The following RAPH1 variants were observed in gnomAD, a reference collection of about 807,000 sequenced individuals.
RAPH1 encodes the protein Ras association (RalGDS/AF-6) and pleckstrin homology domains 1, also known as ras-associated and pleckstrin homology domains-containing protein 1.
In RAPH1, 18 loss-of-function variants were observed where a neutral mutation model predicts 88.1. The observed-to-expected ratio is 0.20, with a 90% CI of 0.14 to 0.30. RAPH1 has a LOEUF of 0.30. Among genes scored for constraint, RAPH1 ranks in the 10% least tolerant of loss-of-function variants. The pLI is 1.00. For missense variants in RAPH1, 1,448 were observed against 1,543.2 expected, an observed-to-expected ratio of 0.94 and a Z score of 1.03; for synonymous variants, 587 against 559.0, an observed-to-expected ratio of 1.05 and a Z score of -0.71.
intron 1 of RAPH1, among the ~76,000 whole-genome samples, chr2:203,532,500 G>A (rs990122336): frequency 6.6e-6 from 1 of 152,182 alleles, no homozygotes. Context: ...TTAAGAATTA[G>A]GCTGCCCGGT....
rs966442221 is a variant in RAPH1 at position 203,438,956 on chromosome 2, G to C, written c.*481C>G. 1 of 155,892 alleles carries C rather than the reference G, an allele frequency of 6.4e-6. No individual in the cohort carries two copies. Among genetic ancestry groups the C allele is most frequent in the African/African-American group, 2.4e-5 (1 of 41,446 alleles). 9.7% of individuals were successfully genotyped at this position (155,892 alleles called of 1,614,324 possible). On this transcript the variant is annotated 3_prime_UTR_variant, in exon 14 of 14. Coordinates refer to ENST00000319170, the MANE Select transcript of RAPH1 (RefSeq NM_213589.3). ...CCTTATAGATACACCAAACATTCTG[G>C]TGATTTTTCTCAACCAGAAATAGCA...
rs1450716938 is a variant in RAPH1 at position 203,506,862 on chromosome 2, A to ATC, written c.1-11510_1-11509insGA. On this transcript the variant is annotated intron_variant, in intron 1 of 13. Coordinates refer to ENST00000319170, the MANE Select transcript of RAPH1 (RefSeq NM_213589.3). The stretch of plus-strand genomic sequence containing the variant: ...TCTATATATCTATCTATATCTATAT[A>ATC]TATATATATATATATATAGATATAT... Among the ~76,000 whole-genome samples, 708 of 76,580 alleles carry ATC rather than the reference A, an allele frequency of 9.2e-3. 84 individuals carry two copies. Among genetic ancestry groups the ATC allele is most frequent in the Admixed American group, 0.016 (110 of 6,794 alleles). The allele number at this position is 76,580 out of a possible 152,430, so 50.2% of individuals were successfully genotyped here.
intron 1 of RAPH1, among the ~76,000 whole-genome samples, chr2:203,515,318 A>G (rs1419115694): frequency 6.6e-6 from 1 of 152,232 alleles, no homozygotes; most frequent in African/African-American, 2.4e-5. Context: ...TTGACGGTAT[A>G]CTGTGTAAAA....
Position 203,440,374 on chromosome 2 carries a change from G to C in RAPH1, c.2816C>G (p.Pro939Arg), listed in dbSNP as rs1269399275. The change falls in exon 14 of 14, where the codon CCA becomes CGA. Residue 939 changes from proline (P) to arginine (R), a missense_variant. Transcript: ENST00000319170. Reference protein sequence around the residue: ...PPPPSPVPAPPPPPPPTASPT... With the variant: ...PPPPSPVPAPRPPPPPTASPT... The stretch of plus-strand genomic sequence containing the variant: ...AGAAGCTGTGGGTGGAGGTGGTGGT[G>C]GTGGGGCTGGGACAGGTGATGGGGG... 3.8e-6 allele frequency: 6 copies of C among 1,596,700 alleles called. No homozygotes were observed. The highest frequency in any genetic ancestry group is 2.7e-5 in the African/African-American group (2 of 74,344).
At chr2:203,463,307 T>C (rs1048194005) in intron 4 of RAPH1, among the ~76,000 whole-genome samples, 6 of 152,174 alleles carry the variant, frequency 3.9e-5, no homozygotes, top group African/African-American at 1.2e-4. Flanking sequence ...CCTCTCTGCA[T>C]TGTGATGAAA....
intron 1 of RAPH1, among the ~76,000 whole-genome samples, chr2:203,523,650 G>A (rs1251029585): frequency 6.6e-6 from 1 of 152,060 alleles, no homozygotes; most frequent in Non-Finnish European, 1.5e-5. Context: ...AACCATAAAA[G>A]GAAAAATTGG....
At chr2:203,479,198 G>GT (rs957770558) in intron 4 of RAPH1, among the ~76,000 whole-genome samples, 1 of 152,176 alleles carries the variant, frequency 6.6e-6, no homozygotes, top group Non-Finnish European at 1.5e-5. Flanking sequence ...TAAAGGTTTT[G>GT]TAAGTATATT....
chr2:203,490,583 T>C (rs918621626), intron 3 of RAPH1, among the ~76,000 whole-genome samples: 1 of 152,248 alleles, frequency 6.6e-6, no homozygotes. Flanking sequence ...GTAACTTCAC[T>C]GGACTTTAAT....
chr2:203,457,707 G>T (rs1440693098), intron 7 of RAPH1, 112 bp from the exon 8 acceptor site: 12 of 818,320 alleles, frequency 1.5e-5, no homozygotes, highest in Non-Finnish European at 1.4e-5. Flanking sequence ...TTCTTCTAGA[G>T]AAATAGCAAC....
At chr2:203,492,443 CCTT>C (rs749218361) in intron 2 of RAPH1, among the ~76,000 whole-genome samples, 17 of 152,122 alleles carry the variant, frequency 1.1e-4, no homozygotes, top group Non-Finnish European at 2.4e-4. Flanking sequence ...ATATTCTTGT[CCTT>C]CTCCAGTTCT....
chr2:203,502,314 A>G (rs1328293856), intron 1 of RAPH1, among the ~76,000 whole-genome samples: 1 of 152,192 alleles, frequency 6.6e-6, no homozygotes, highest in Non-Finnish European at 1.5e-5. Context: ...AGTACTAGGA[A>G]AGATGATTTA....
At chr2:203,455,637 T>G in intron 8 of RAPH1, 57 bp from the exon 9 acceptor site, 1 of 1,526,508 alleles carries the variant, frequency 6.6e-7, no homozygotes, top group Non-Finnish European at 9.0e-7. Flanking sequence ...CAGAACAAAG[T>G]TGTGTTTACT....
intron 12 of RAPH1, chr2:203,447,263 G>A (rs1029026549): frequency 3.5e-5 from 5 of 143,584 alleles, no homozygotes; most frequent in Non-Finnish European, 7.6e-5. Flanking sequence ...TTAATAAAAC[G>A]AAAAAACAAA....
intron 6 of RAPH1, among the ~76,000 whole-genome samples, chr2:203,460,604 C>G (rs1163639748): frequency 6.6e-6 from 1 of 150,942 alleles, no homozygotes; most frequent in Non-Finnish European, 1.5e-5. Flanking sequence ...AGTACAAATT[C>G]AAGTTAACAT....
chr2:203,521,961 A>T (rs1451020407), intron 1 of RAPH1, among the ~76,000 whole-genome samples: 1 of 152,194 alleles, frequency 6.6e-6, no homozygotes, highest in Non-Finnish European at 1.5e-5. Context: ...AGTGAAAGAA[A>T]GAAAAAAGGA....
At chr2:203,486,595 C>T (rs2105810337) in intron 4 of RAPH1, among the ~76,000 whole-genome samples, 1 of 152,312 alleles carries the variant, frequency 6.6e-6, no homozygotes, top group South Asian at 2.1e-4. Context: ...TTGCTTACCT[C>T]TGGAAGCAGA....
chr2:203,533,592 G>A (rs561738848), intron 1 of RAPH1, among the ~76,000 whole-genome samples: 1 of 151,588 alleles, frequency 6.6e-6, no homozygotes, highest in Non-Finnish European at 1.5e-5. Context: ...CATCCTTAAA[G>A]GTTTCACTTA....
At chr2:203,463,764 A>G (rs941755768) in intron 4 of RAPH1, among the ~76,000 whole-genome samples, 1 of 152,204 alleles carries the variant, frequency 6.6e-6, no homozygotes, top group Admixed American at 6.5e-5. Context: ...AAAATCCTTT[A>G]TGCAAATAAA....
intron 4 of RAPH1, among the ~76,000 whole-genome samples, chr2:203,475,223 T>C (rs959747149): frequency 1.3e-5 from 2 of 152,212 alleles, no homozygotes; most frequent in South Asian, 4.2e-4. Flanking sequence ...CTGGCTAACA[T>C]GGTGAAACCC....
Sources: gnomAD v4.1 joint callset for allele counts (sites outside exome capture counted in the v4.1 genomes callset) on GRCh38, gnomAD v4.1.1 for gene constraint, MANE v1.5 for transcripts, NCBI Gene and HGNC (gene_info 2026-07-23, HGNC 2026-07-21) for gene names.